The following NEGR1 variants were observed in gnomAD, a reference collection of about 807,000 sequenced individuals.
NEGR1 encodes IgLON family member 4.
A neutral mutation model predicts 40.9 loss-of-function variants in NEGR1; 10 were observed. The observed-to-expected ratio is 0.24, with a 90% CI of 0.15 to 0.42. The LOEUF (loss-of-function observed/expected upper bound fraction) is 0.42. NEGR1 is among the 10% of genes least tolerant of loss of function. The probability of loss-of-function intolerance (pLI) is 1.00; values close to 1 mark genes in which losing one functional copy is unlikely to be tolerated. For missense variants in NEGR1, 352 were observed against 438.9 expected (o/e 0.80, Z 1.77); for synonymous variants, 185 against 166.8 (o/e 1.11, Z -0.84).
At chr1:71,620,837 C>T (rs1389779602) in intron 4 of NEGR1, among the ~76,000 whole-genome samples, 2 of 151,904 alleles carry the variant, frequency 1.3e-5, no homozygotes, top group African/African-American at 4.8e-5. Flanking sequence ...AAAAGCACTG[C>T]TTTGCAGTGC....
intron 1 of NEGR1, among the ~76,000 whole-genome samples, chr1:72,015,367 CA>C (rs1363836955): frequency 2.6e-5 from 4 of 151,920 alleles, no homozygotes; most frequent in African/African-American, 9.7e-5. Context: ...TTTGTGGTCA[CA>C]AAAATGCATC....
chr1:71,988,551 A>G (rs1316851955), intron 1 of NEGR1, among the ~76,000 whole-genome samples: 2 of 139,820 alleles, frequency 1.4e-5, no homozygotes, highest in African/African-American at 6.3e-5. Context: ...GTCTCAAAAA[A>G]AAAAAAAAAA....
At chr1:71,474,717 C>CAAAAAAAAAA (rs56219737) in intron 6 of NEGR1, among the ~76,000 whole-genome samples, 18 of 86,040 alleles carry the variant, frequency 2.1e-4, no homozygotes, top group South Asian at 4.6e-4. Context: ...GACTCTATCT[C>CAAAAAAAAAA]AAAAAAAAAA....
At chr1:71,430,831 C>T (rs1569861949) in intron 6 of NEGR1, among the ~76,000 whole-genome samples, 1 of 151,132 alleles carries the variant, frequency 6.6e-6, no homozygotes, top group East Asian at 2.0e-4. Flanking sequence ...CTCAGCCTGG[C>T]TCACTGCAAG....
chr1:72,041,914 ATT>A (rs1231695083), intron 1 of NEGR1, among the ~76,000 whole-genome samples: 3 of 144,982 alleles, frequency 2.1e-5, no homozygotes, highest in Non-Finnish European at 4.5e-5. Flanking sequence ...TCAAATATAT[ATT>A]ACATGTTTAT....
chr1:72,125,493 G>A (rs957692566), intron 1 of NEGR1, among the ~76,000 whole-genome samples: 1 of 151,960 alleles, frequency 6.6e-6, no homozygotes, highest in Non-Finnish European at 1.5e-5. Flanking sequence ...GCTATATACT[G>A]AATTGCATAG....
At position 71,411,447 on chromosome 1, in the gene NEGR1, T is replaced by C. The variant is rs543776991; in HGVS notation, c.941-3877A>G. Among the ~76,000 whole-genome samples the C allele has an allele frequency of 2.2e-3, 329 of 152,302 alleles. 1 individual carries two copies. The highest frequency in any genetic ancestry group is 7.6e-3 in the African/African-American group (314 of 41,576). On this transcript the variant is annotated intron_variant, in intron 6 of 6. Coordinates refer to ENST00000357731, the MANE Select transcript of NEGR1 (RefSeq NM_173808.3). ...CTAGAAGCCTGAATTACTTAGAAGA[T>C]ATCTAGTTGAGCCTCTGGGATGGCC...
chr1:71,549,315 C>A (rs554394570), intron 6 of NEGR1, among the ~76,000 whole-genome samples: 58 of 151,864 alleles, frequency 3.8e-4, no homozygotes, highest in Non-Finnish European at 7.7e-4. Flanking sequence ...GATTAACCGT[C>A]TTATTACTGT....
intron 4 of NEGR1, among the ~76,000 whole-genome samples, chr1:71,693,808 C>T (rs1487870557): frequency 6.6e-6 from 1 of 151,474 alleles, no homozygotes; most frequent in African/African-American, 2.4e-5. Context: ...ATTAGGGAAC[C>T]CCATTCATTT....
chr1:72,050,744 G>A (rs954455279), intron 1 of NEGR1, among the ~76,000 whole-genome samples: 5 of 151,420 alleles, frequency 3.3e-5, no homozygotes, highest in Non-Finnish European at 7.4e-5. Flanking sequence ...AGGATATTAA[G>A]GAAATGACTA....
At chr1:71,648,818 A>G (rs898521204) in intron 4 of NEGR1, among the ~76,000 whole-genome samples, 1 of 151,934 alleles carries the variant, frequency 6.6e-6, no homozygotes, top group East Asian at 1.9e-4. Context: ...GGAAACTTAC[A>G]TGTCTCTCTC....
chr1:71,664,480 C>T (rs535713374), intron 4 of NEGR1, among the ~76,000 whole-genome samples: 34 of 152,180 alleles, frequency 2.2e-4, no homozygotes, highest in Middle Eastern at 3.4e-3. Context: ...GCCTCCCTCT[C>T]CTGACCAAGA....
intron 4 of NEGR1, among the ~76,000 whole-genome samples, chr1:71,620,042 G>A (rs1183006040): frequency 6.6e-6 from 1 of 151,964 alleles, no homozygotes; most frequent in Non-Finnish European, 1.5e-5. Flanking sequence ...TGAGGTAGTT[G>A]AAATGAAACT....
At chr1:72,221,259 C>A (rs533002230) in intron 1 of NEGR1, among the ~76,000 whole-genome samples, 19 of 152,154 alleles carry the variant, frequency 1.2e-4, no homozygotes, top group African/African-American at 4.6e-4. Context: ...TATTACTGTA[C>A]ACTTTAATCC....
intron 1 of NEGR1, among the ~76,000 whole-genome samples, chr1:72,051,627 G>A (rs1202384452): frequency 6.6e-6 from 1 of 151,494 alleles, no homozygotes; most frequent in Admixed American, 6.6e-5. Context: ...GAAAAACTTA[G>A]CTTGGAAGGG....
At chr1:71,709,019 CT>C (rs1653993640) in intron 3 of NEGR1, among the ~76,000 whole-genome samples, 1 of 152,116 alleles carries the variant, frequency 6.6e-6, no homozygotes, top group Non-Finnish European at 1.5e-5. Flanking sequence ...GATTCCATGA[CT>C]TTGCTATTAT....
chr1:71,586,315 G>A (rs1649304281), intron 6 of NEGR1, among the ~76,000 whole-genome samples: 1 of 152,100 alleles, frequency 6.6e-6, no homozygotes, highest in Non-Finnish European at 1.5e-5. Flanking sequence ...CAAATTATTT[G>A]GAACTGTATG....
chr1:71,942,763 A>C lies in NEGR1; in HGVS notation c.177-7452T>G, dbSNP rs1414821358. The stretch of plus-strand genomic sequence containing the variant: ...GTGATCCGCCCGCCTCGGCCTCCCA[A>C]AGTGCTGGGATTACAGGCGTGAGCC... On this transcript the variant is annotated intron_variant, in intron 1 of 6. Coordinates refer to ENST00000357731, the MANE Select transcript of NEGR1 (RefSeq NM_173808.3). Among the ~76,000 whole-genome samples the C allele has an allele frequency of 3.4e-5, 5 of 146,450 alleles. No homozygotes were observed. The East Asian group carries it at 1.0e-3, about 29-fold the overall frequency.
intron 3 of NEGR1, among the ~76,000 whole-genome samples, chr1:71,761,445 G>C (rs1033836221): frequency 6.6e-6 from 1 of 152,124 alleles, no homozygotes; most frequent in Non-Finnish European, 1.5e-5. Context: ...AAATCTCATG[G>C]AACAGTTTCA....
Sources: gnomAD v4.1 joint callset for allele counts (sites outside exome capture counted in the v4.1 genomes callset) on GRCh38, gnomAD v4.1.1 for gene constraint, MANE v1.5 for transcripts, NCBI Gene and HGNC (gene_info 2026-07-23, HGNC 2026-07-21) for gene names.